PAGR1: variants seen among roughly 807,000 people sequenced by gnomAD.
PAGR1 encodes the protein PAXIP1-associated glutamate-rich protein 1.
In PAGR1, 20 loss-of-function variants were observed where a neutral mutation model predicts 22.4. That is an observed-to-expected ratio of 0.89 (90% CI 0.63 to 1.30). The LOEUF (loss-of-function observed/expected upper bound fraction) is 1.30, where lower values mean the gene tolerates loss of function less well. Ranked by LOEUF, PAGR1 falls within the 50% of genes most tolerant of loss-of-function variation. The pLI, the probability that PAGR1 is intolerant of heterozygous loss-of-function variation, is 0.00. For missense variants in PAGR1, 338 were observed against 343.6 expected (o/e 0.98, Z 0.13); for synonymous variants, 161 against 148.3 (o/e 1.09, Z -0.62).
Position 29,816,764 on chromosome 16 carries a change from C to T in PAGR1, c.239C>T (p.Ala80Val), listed in dbSNP as rs1307498682. Residue 80 changes from alanine (A) to valine (V), a missense_variant, in exon 1 of 3, where the codon GCC becomes GTC. Ala to Val is a moderately conservative substitution (Grantham distance 64, BLOSUM62 0). Around this residue, in one of 3 missense-constraint regions of PAGR1, gnomAD observed 235 missense variants for 216.0 expected, o/e 1.09. Transcript: ENST00000320330. ...EVPSAGGEEP[A>V]EEDSEDWCVP... ...CCCAGCGCTGGGGGAGAAGAGCCTG[C>T]CGAGGAGGACTCCGAGGACTGGTGC... 37 of 1,588,218 alleles carry T rather than the reference C, an allele frequency of 2.3e-5. No individual in the cohort carries two copies. The highest frequency in any genetic ancestry group is 3.2e-5 in the Non-Finnish European group (37 of 1,168,028).
At chr16:29,817,555 C>T (rs1161474617) in intron 2 of PAGR1, among the ~76,000 whole-genome samples, 1 of 144,792 alleles carries the variant, frequency 6.9e-6, no homozygotes, top group South Asian at 2.2e-4. Context: ...CTCACTGCAA[C>T]CTCCGCCTCC....
Position 29,816,991 on chromosome 16 carries a change from G to C in PAGR1, c.466G>C (p.Glu156Gln). The change falls in exon 1 of 3, where the codon GAA becomes CAA. Residue 156 changes from glutamate (E) to glutamine (Q), a missense_variant. Coordinates refer to ENST00000320330, the MANE Select transcript of PAGR1 (RefSeq NM_024516.4). ...ATCCGATGAGGAGCCGGAGGCCAAA[G>C]AAGAGGAAGAGGAAAAGTAAAGGCA... The part of the protein sequence containing the change: ...ERSDEEPEAK[E>Q]EEEEKPHMPT... 1 of 1,565,380 alleles carries C rather than the reference G, an allele frequency of 6.4e-7. No individual in the cohort carries two copies. Among genetic ancestry groups the C allele is most frequent in the East Asian group, 2.3e-5 (1 of 43,178 alleles).
In PAGR1 at chr16:29,819,892, GAAGAGA is replaced by G. The variant is rs944614831; in HGVS notation, c.*139_*144del. 3.1e-6 allele frequency: 3 copies of G among 955,686 alleles called. No individual in the cohort carries two copies. In the African/African-American group the frequency reaches 5.0e-5, roughly 16 times the overall value. 59.2% of individuals were successfully genotyped at this position (955,686 alleles called of 1,614,324 possible). On this transcript the variant is annotated 3_prime_UTR_variant, in exon 3 of 3. Coordinates refer to ENST00000320330, the MANE Select transcript of PAGR1 (RefSeq NM_024516.4). ...CCAAACAGCACGTTGCGGGAAAGAGGAAGAGAGAGTGTGAGTGTGTGTGTGTGTTTT... is the reference window on the plus strand; with the variant it reads ...CCAAACAGCACGTTGCGGGAAAGAGGGAGTGTGAGTGTGTGTGTGTGTTTT...
In PAGR1 at chr16:29,816,379, C is replaced by A; in HGVS notation, c.-147C>A. The A allele has an allele frequency of 2.4e-6, 2 of 820,558 alleles. No homozygotes were observed. Among genetic ancestry groups the A allele is most frequent in the Non-Finnish European group, 1.7e-6 (1 of 590,852 alleles). The allele number at this position is 820,558 out of a possible 1,614,324, so 50.8% of individuals were successfully genotyped here. On this transcript the variant is annotated 5_prime_UTR_variant, in exon 1 of 3. Coordinates refer to ENST00000320330, the MANE Select transcript of PAGR1 (RefSeq NM_024516.4). Reference sequence around the variant, plus strand: ...TTGGTGGGGACTGAGCGCCCCCTCCCGGGGACGGGCGGTCTGGCCGCGGAG... The same window carrying A: ...TTGGTGGGGACTGAGCGCCCCCTCCAGGGGACGGGCGGTCTGGCCGCGGAG...
At chr16:29,818,580 T>C (rs1900293698) in intron 2 of PAGR1, 1 of 152,248 alleles carries the variant, frequency 6.6e-6, no homozygotes, top group African/African-American at 2.4e-5. Context: ...TTTTTTTTCT[T>C]TGAGACGAAG....
Position 29,817,224 on chromosome 16 carries a change from C to T in PAGR1, c.497C>T (p.Thr166Met). The change falls in exon 2 of 3, where the codon ACG (threonine) becomes ATG (methionine). Residue 166 changes from threonine (T) to methionine (M), a missense_variant. Around this residue, in one of 3 missense-constraint regions of PAGR1, gnomAD observed 51 missense variants for 83.1 expected, o/e 0.61. Coordinates refer to ENST00000320330, the MANE Select transcript of PAGR1 (RefSeq NM_024516.4). ...ACCTGTCCCAGACCACACATGCCCA[C>T]GGAATTTGATTTTGATGATGAGCCA... ...EEEEEKPHMPTEFDFDDEPVT... is the reference protein window; with the variant it reads ...EEEEEKPHMPMEFDFDDEPVT... The T allele has an allele frequency of 6.2e-7, 1 of 1,613,998 alleles. No homozygotes were observed. The highest frequency in any genetic ancestry group is 8.5e-7 in the Non-Finnish European group (1 of 1,179,980).
chr16:29,819,018 C>T (rs1008821697), intron 2 of PAGR1, among the ~76,000 whole-genome samples: 9 of 151,824 alleles, frequency 5.9e-5, no homozygotes, highest in African/African-American at 2.2e-4. Flanking sequence ...GTAGGGGAGA[C>T]GGAGTGTAGC....
Position 29,822,321 on chromosome 16 carries a change from TAA to T in PAGR1, c.*2579_*2580del, listed in dbSNP as rs58807414. 8.4e-5 allele frequency among the ~76,000 whole-genome samples: 12 copies of T among 143,456 alleles called. No individual in the cohort carries two copies. The highest frequency in any genetic ancestry group is 1.3e-4 in the African/African-American group (5 of 39,632). The allele number at this position is 143,456 out of a possible 152,430, so 94.1% of individuals were successfully genotyped here. On this transcript the variant is annotated 3_prime_UTR_variant, in exon 3 of 3. Transcript: ENST00000320330. ...AAAAGTTCCTAAAACTGTGCTGCTT[TAA>T]AAAAAAAAAAAGTAATTTATGAGAC... is the stretch of plus-strand genomic sequence containing the variant.
Position 29,821,673 on chromosome 16 carries a change from C to T in PAGR1, c.*1919C>T, listed in dbSNP as rs1303393238. On this transcript the variant is annotated 3_prime_UTR_variant, in exon 3 of 3. Coordinates refer to ENST00000320330, the MANE Select transcript of PAGR1 (RefSeq NM_024516.4). The stretch of plus-strand genomic sequence containing the variant: ...TAGTTTGTGGTCTCTACAGTTATAG[C>T]CAGGTTGGACTTCCGGCTCCGTCCT... 6.6e-6 allele frequency among the ~76,000 whole-genome samples: 1 copy of T among 152,192 alleles called. No homozygotes were observed. Among genetic ancestry groups the T allele is most frequent in the African/African-American group, 2.4e-5 (1 of 41,436 alleles).
Position 29,816,199 on chromosome 16 carries a change from G to C in PAGR1, c.-327G>C, listed in dbSNP as rs1157128566. On this transcript the variant is annotated 5_prime_UTR_variant, in exon 1 of 3. Transcript: ENST00000320330. Reference sequence around the variant, plus strand: ...GACGTGGCCCACAACTGAAAGGTCTGGGGAGAAGGCGCCGTGTCCGGGTGT... The same window carrying C: ...GACGTGGCCCACAACTGAAAGGTCTCGGGAGAAGGCGCCGTGTCCGGGTGT... 1 of 385,410 alleles carries C rather than the reference G, an allele frequency of 2.6e-6. No homozygotes were observed. The highest frequency in any genetic ancestry group is 4.6e-6 in the Non-Finnish European group (1 of 216,848). The allele number at this position is 385,410 out of a possible 1,614,324, so 23.9% of individuals were successfully genotyped here.
chr16:29,819,743 C>A lies in PAGR1; in HGVS notation c.754C>A (p.Arg252=). 1.9e-6 allele frequency: 3 copies of A among 1,610,070 alleles called. No individual in the cohort carries two copies. Among genetic ancestry groups the A allele is most frequent in the Non-Finnish European group, 2.5e-6 (3 of 1,177,250 alleles). Residue 252 remains arginine, a synonymous_variant, in exon 3 of 3, where the codon CGG becomes AGG. Coordinates refer to ENST00000320330, the MANE Select transcript of PAGR1 (RefSeq NM_024516.4). ...SSGSSLFPRQ[R]KY ...CGGGAGTAGTCTCTTCCCTCGGCAG[C>A]GGAAATACTGATTCCCACTGCTCCT...
chr16:29,820,178 A>C lies in PAGR1; in HGVS notation c.*424A>C. The C allele has an allele frequency of 6.3e-6, 1 of 159,162 alleles. No individual in the cohort carries two copies. Among genetic ancestry groups the C allele is most frequent in the East Asian group, 1.9e-4 (1 of 5,396 alleles). 9.9% of individuals were successfully genotyped at this position (159,162 alleles called of 1,614,324 possible). A position where few individuals can be genotyped will look rare whatever the true frequency, so the allele number is the denominator to read the frequency against. The stretch of plus-strand genomic sequence containing the variant: ...CACTTGAAGGGAGAGGCAGAATTGT[A>C]CTCACCCAGATTGGAAAATGAAAGC... On this transcript the variant is annotated 3_prime_UTR_variant, in exon 3 of 3. Transcript: ENST00000320330.
chr16:29,822,149 T>C lies in PAGR1; in HGVS notation c.*2395T>C, dbSNP rs575461805. Reference sequence around the variant, plus strand: ...TATGATTAGGCAAGTTGAGAAAATATTGATGAAGATCAGGGGTGCTGAAGC... The same window carrying C: ...TATGATTAGGCAAGTTGAGAAAATACTGATGAAGATCAGGGGTGCTGAAGC... On this transcript the variant is annotated 3_prime_UTR_variant, in exon 3 of 3. Coordinates refer to ENST00000320330, the MANE Select transcript of PAGR1 (RefSeq NM_024516.4). Among the ~76,000 whole-genome samples the C allele has an allele frequency of 1.3e-5, 2 of 151,402 alleles. No individual in the cohort carries two copies. Among genetic ancestry groups the C allele is most frequent in the South Asian group, 2.1e-4 (1 of 4,770 alleles).
rs889835117 is a variant in PAGR1 at position 29,820,500 on chromosome 16, C to G, written c.*746C>G. 6.6e-6 allele frequency: 1 copy of G among 152,240 alleles called. No individual in the cohort carries two copies. Among genetic ancestry groups the G allele is most frequent in the Non-Finnish European group, 1.5e-5 (1 of 68,072 alleles). 9.4% of individuals were successfully genotyped at this position (152,240 alleles called of 1,614,324 possible). ...CTGAGGCGTTTGTTGCAGCTACCTGCACTTCTAGATGTGAGTACATTGTAC... is the reference window on the plus strand; with the variant it reads ...CTGAGGCGTTTGTTGCAGCTACCTGGACTTCTAGATGTGAGTACATTGTAC... On this transcript the variant is annotated 3_prime_UTR_variant, in exon 3 of 3. Coordinates refer to ENST00000320330, the MANE Select transcript of PAGR1 (RefSeq NM_024516.4).
At chr16:29,819,203 G>A (rs1257625840) in intron 2 of PAGR1, among the ~76,000 whole-genome samples, 3 of 151,944 alleles carry the variant, frequency 2.0e-5, no homozygotes, top group Admixed American at 6.6e-5. Flanking sequence ...TCCTGACCTC[G>A]TGAGTTGCCC....
At position 29,821,898 on chromosome 16, in the gene PAGR1, A is replaced by T. The variant is rs1332516187; in HGVS notation, c.*2144A>T. ...ACTTAGACCCAGTGAGTCAGAAGTG[A>T]GGCCTGCAAAAAGCAGCAGGAGTGG... is the stretch of plus-strand genomic sequence containing the variant. On this transcript the variant is annotated 3_prime_UTR_variant, in exon 3 of 3. Coordinates refer to ENST00000320330, the MANE Select transcript of PAGR1 (RefSeq NM_024516.4). Among the ~76,000 whole-genome samples, 1 of 152,202 alleles carries T rather than the reference A, an allele frequency of 6.6e-6. No individual in the cohort carries two copies. The highest frequency in any genetic ancestry group is 1.5e-5 in the Non-Finnish European group (1 of 68,042).
At position 29,820,006 on chromosome 16, in the gene PAGR1, TC is replaced by T. The variant is rs1390883669; in HGVS notation, c.*253del. The T allele has an allele frequency of 1.4e-5, 7 of 493,092 alleles. No individual in the cohort carries two copies. The highest frequency in any genetic ancestry group is 2.2e-5 in the Non-Finnish European group (6 of 276,962). 30.5% of individuals were successfully genotyped at this position (493,092 alleles called of 1,614,324 possible). ...GAGTGTGTGTGTTTTCTATTGAACA[TC>T]TATATAGAGAGAGTGTGTGAGTGTG... On this transcript the variant is annotated 3_prime_UTR_variant, in exon 3 of 3. Coordinates refer to ENST00000320330, the MANE Select transcript of PAGR1 (RefSeq NM_024516.4).
Position 29,820,276 on chromosome 16 carries a change from A to G in PAGR1, c.*522A>G, listed in dbSNP as rs1400522228. The G allele has an allele frequency of 6.6e-6, 1 of 152,670 alleles. No homozygotes were observed. Among genetic ancestry groups the G allele is most frequent in the East Asian group, 1.9e-4 (1 of 5,180 alleles). The allele number at this position is 152,670 out of a possible 1,614,324, so 9.5% of individuals were successfully genotyped here. ...CTCCAACTCCTCCCAGTCCCACTCC[A>G]GTGCAGCCAGCTGGCTCCAAGGTAG... On this transcript the variant is annotated 3_prime_UTR_variant, in exon 3 of 3. Coordinates refer to ENST00000320330, the MANE Select transcript of PAGR1 (RefSeq NM_024516.4).
In PAGR1 at chr16:29,816,390, G is replaced by A; in HGVS notation, c.-136G>A. The A allele has an allele frequency of 1.1e-6, 1 of 921,452 alleles. No individual in the cohort carries two copies. Among genetic ancestry groups the A allele is most frequent in the Non-Finnish European group, 1.5e-6 (1 of 682,436 alleles). 57.1% of individuals were successfully genotyped at this position (921,452 alleles called of 1,614,324 possible). A position where few individuals can be genotyped will look rare whatever the true frequency, so the allele number is the denominator to read the frequency against. ...TGAGCGCCCCCTCCCGGGGACGGGCGGTCTGGCCGCGGAGTCCCCTGCGGG... is the reference window on the plus strand; with the variant it reads ...TGAGCGCCCCCTCCCGGGGACGGGCAGTCTGGCCGCGGAGTCCCCTGCGGG... On this transcript the variant is annotated 5_prime_UTR_variant, in exon 1 of 3. Coordinates refer to ENST00000320330, the MANE Select transcript of PAGR1 (RefSeq NM_024516.4).
Sources: gnomAD v4.1 joint callset for allele counts (sites outside exome capture counted in the v4.1 genomes callset) on GRCh38, gnomAD v4.1.1 for gene constraint, gnomAD v4.1.1 regional missense constraint, MANE v1.5 for transcripts, NCBI Gene and HGNC (gene_info 2026-07-23, HGNC 2026-07-21) for gene names.